Variants in MAP4K3 observed in about 807,000 individuals in gnomAD.
MAP4K3 encodes mitogen-activated protein kinase kinase kinase kinase 3.
MAP4K3 carries 94 observed loss-of-function variants against 143.5 expected under a neutral mutation model. The observed-to-expected ratio is 0.65, with a 90% CI of 0.55 to 0.78. The LOEUF (loss-of-function observed/expected upper bound fraction) is 0.78, where lower values mean the gene tolerates loss of function less well. Ranked by LOEUF, MAP4K3 falls within the 30% of genes least tolerant of loss-of-function variation. MAP4K3 has a pLI of 0.00. For missense variants in MAP4K3, 1,077 were observed against 1,068.1 expected (o/e 1.01, Z -0.12); for synonymous variants, 416 against 347.2 (o/e 1.20, Z -2.20).
At chr2:39,421,636 A>T (rs934301824) in intron 1 of MAP4K3, among the ~76,000 whole-genome samples, 2 of 152,170 alleles carry the variant, frequency 1.3e-5, no homozygotes, top group Non-Finnish European at 2.9e-5. Flanking sequence ...CACTTAAATA[A>T]AATAAGGCCT....
chr2:39,299,966 C>A, intron 15 of MAP4K3, 165 bp from the exon 16 acceptor site: 1 of 352,966 alleles, frequency 2.8e-6, no homozygotes, highest in South Asian at 1.5e-4. Flanking sequence ...GTTCATAGTC[C>A]TGATTTAAGT....
intron 16 of MAP4K3, among the ~76,000 whole-genome samples, chr2:39,298,469 TTC>T (rs550417017): frequency 6.6e-6 from 1 of 152,208 alleles, no homozygotes; most frequent in Non-Finnish European, 1.5e-5. Context: ...TTAAAGCCTT[TTC>T]TCTCTGTTAG....
intron 1 of MAP4K3, among the ~76,000 whole-genome samples, chr2:39,432,655 T>A (rs2148640220): frequency 6.6e-6 from 1 of 152,360 alleles, no homozygotes; most frequent in East Asian, 1.9e-4. Flanking sequence ...AAATGCTGAT[T>A]ATAATGGAAG....
intron 22 of MAP4K3, 136 bp from the exon 23 acceptor site, chr2:39,280,492 GAAGT>G (rs1212903496): frequency 1.4e-5 from 6 of 426,538 alleles, no homozygotes; most frequent in South Asian, 1.1e-4. Flanking sequence ...CAAATTTACA[GAAGT>G]AAGTGTAAGA....
At chr2:39,360,001 C>A (rs1488694220) in intron 2 of MAP4K3, among the ~76,000 whole-genome samples, 1 of 152,252 alleles carries the variant, frequency 6.6e-6, no homozygotes, top group Non-Finnish European at 1.5e-5. Context: ...ACATTTGGCT[C>A]CTTGTTACTT....
At position 39,260,727 on chromosome 2, in the gene MAP4K3, T is replaced by TA; in HGVS notation, c.2186dup (p.Val730SerfsTer3). On this transcript the variant is annotated frameshift_variant, in exon 29 of 34. Coordinates refer to ENST00000263881, the MANE Select transcript of MAP4K3 (RefSeq NM_003618.4). LOFTEE classifies it high-confidence loss of function. Reference sequence around the variant, plus strand: ...CTAAAGGGTACTCCTGTTCAGGAACTACCAGCATTTCAAACATTCTAAGTG... The same window carrying TA: ...CTAAAGGGTACTCCTGTTCAGGAACTAACCAGCATTTCAAACATTCTAAGTG... The TA allele has an allele frequency of 6.2e-7, 1 of 1,613,750 alleles. No individual in the cohort carries two copies. The highest frequency in any genetic ancestry group is 8.5e-7 in the Non-Finnish European group (1 of 1,179,630).
At chr2:39,288,068 TCCCCA>T in intron 20 of MAP4K3, 48 bp downstream of exon 20, 2 of 1,586,704 alleles carry the variant, frequency 1.3e-6, no homozygotes, top group Middle Eastern at 1.7e-4. Context: ...GTTTTTTTTC[TCCCCA>T]TAGTATGAAA....
At chr2:39,274,634 T>G (rs1270979962) in intron 24 of MAP4K3, among the ~76,000 whole-genome samples, 1 of 152,222 alleles carries the variant, frequency 6.6e-6, no homozygotes, top group Non-Finnish European at 1.5e-5. Context: ...TAAATAAGAA[T>G]ATAACAGTTA....
chr2:39,294,480 C>T (rs1682188296), intron 16 of MAP4K3, among the ~76,000 whole-genome samples: 1 of 152,208 alleles, frequency 6.6e-6, no homozygotes, highest in Non-Finnish European at 1.5e-5. Context: ...CAAAGCTCTC[C>T]AAGGGCCAAC....
Position 39,343,391 on chromosome 2 carries a change from G to T in MAP4K3, c.307C>A (p.His103Asn), listed in dbSNP as rs1665196213. 2 of 1,611,472 alleles carry T rather than the reference G, an allele frequency of 1.2e-6. No individual in the cohort carries two copies. Among genetic ancestry groups the T allele is most frequent in the Non-Finnish European group, 1.7e-6 (2 of 1,178,266 alleles). The change falls in exon 4 of 34, where the codon CAC (histidine) becomes AAC (asparagine). Residue 103 changes from histidine (H) to asparagine (N), a missense_variant. Coordinates refer to ENST00000263881, the MANE Select transcript of MAP4K3 (RefSeq NM_003618.4). ...CGGGSLQDIY[H>N]VTGPLSELQI... ...AAAAATACAACTTTGGTCTTACCGT[G>T]ATAAATATCCTGTAAAGAACCACCT...
chr2:39,251,895 TA>T lies in MAP4K3; in HGVS notation c.2542-11del, dbSNP rs765832619. 35 of 1,605,384 alleles carry T rather than the reference TA, an allele frequency of 2.2e-5. No homozygotes were observed. In the South Asian group the frequency reaches 3.9e-4, roughly 18 times the overall value. ...AAATTTCTTGTGTTACCTGTTCAAT[TA>T]AAACACAAATTTAATTTCTGAAATT... On this transcript the variant is annotated splice_polypyrimidine_tract_variant and intron_variant, in intron 32 of 33. Coordinates refer to ENST00000263881, the MANE Select transcript of MAP4K3 (RefSeq NM_003618.4).
chr2:39,312,221 C>A (rs1220508970), intron 13 of MAP4K3, among the ~76,000 whole-genome samples: 1 of 152,124 alleles, frequency 6.6e-6, no homozygotes, highest in Non-Finnish European at 1.5e-5. Context: ...TTTTTCTTTG[C>A]TTTCTAATGT....
At chr2:39,379,742 T>C (rs1666311619) in intron 1 of MAP4K3, 2 of 168,756 alleles carry the variant, frequency 1.2e-5, no homozygotes, top group Non-Finnish European at 2.9e-5. Context: ...TGCTATGGTT[T>C]TTTACTTACT....
At chr2:39,369,883 T>C (rs1666033335) in intron 2 of MAP4K3, among the ~76,000 whole-genome samples, 1 of 152,204 alleles carries the variant, frequency 6.6e-6, no homozygotes, top group African/African-American at 2.4e-5. Flanking sequence ...GTCACAGCCA[T>C]CACCGTTCCT....
intron 1 of MAP4K3, among the ~76,000 whole-genome samples, chr2:39,393,959 G>C (rs1477028215): frequency 6.6e-6 from 1 of 152,136 alleles, no homozygotes; most frequent in East Asian, 1.9e-4. Context: ...ATTAAAATCA[G>C]TGAAATGAGA....
chr2:39,308,028 C>A (rs1393673290), intron 14 of MAP4K3, 23 bp from the exon 15 acceptor site: 2 of 1,565,660 alleles, frequency 1.3e-6, no homozygotes, highest in African/African-American at 1.4e-5. Flanking sequence ...GACCAAGAAA[C>A]CCAAGTTATT....
At chr2:39,286,559 A>G (rs1212129246) in intron 21 of MAP4K3, among the ~76,000 whole-genome samples, 1 of 152,246 alleles carries the variant, frequency 6.6e-6, no homozygotes, top group Non-Finnish European at 1.5e-5. Context: ...GTGAATAATC[A>G]CAAGAATACT....
chr2:39,327,529 A>G (rs918201341), intron 8 of MAP4K3, among the ~76,000 whole-genome samples: 1 of 152,186 alleles, frequency 6.6e-6, no homozygotes, highest in African/African-American at 2.4e-5. Flanking sequence ...ATTGAAATAA[A>G]CATCTCAACT....
intron 1 of MAP4K3, among the ~76,000 whole-genome samples, chr2:39,427,783 T>G (rs988532298): frequency 7.2e-5 from 11 of 152,152 alleles, no homozygotes; most frequent in African/African-American, 2.7e-4. Context: ...CCTAATGAAT[T>G]TGAAAAATAC....
Sources: gnomAD v4.1 joint callset for allele counts (sites outside exome capture counted in the v4.1 genomes callset) on GRCh38, gnomAD v4.1.1 for gene constraint, MANE v1.5 for transcripts, NCBI Gene and HGNC (gene_info 2026-07-23, HGNC 2026-07-21) for gene names.